The following SLC12A3 variants were observed in gnomAD, a reference collection of about 807,000 sequenced individuals.
SLC12A3 encodes the protein Na-Cl cotransporter.
SLC12A3 carries 104 observed loss-of-function variants against 121.0 expected under a neutral mutation model. The observed-to-expected ratio is 0.86, with a 90% CI of 0.73 to 1.01. SLC12A3 has a LOEUF of 1.01. Among genes scored for constraint, SLC12A3 ranks in the 50% least tolerant of loss-of-function variants. The pLI is 0.00. For synonymous variants in SLC12A3, 536 were observed against 533.4 expected (o/e 1.00, Z -0.07); for missense variants, 1,328 against 1,356.3 (o/e 0.98, Z 0.33).
At chr16:56,891,283 G>A (rs553690689) in intron 19 of SLC12A3, among the ~76,000 whole-genome samples, 31 of 147,768 alleles carry the variant, frequency 2.1e-4, no homozygotes, top group African/African-American at 7.5e-4. Flanking sequence ...GAGATGGGAG[G>A]ATCGCTTGAG....
chr16:56,885,664 A>G (rs2055301335), intron 15 of SLC12A3, among the ~76,000 whole-genome samples: 2 of 152,258 alleles, frequency 1.3e-5, no homozygotes, highest in East Asian at 1.9e-4. Context: ...GCCGGAGCCA[A>G]TGGTGACGAA....
At chr16:56,904,049 A>G (rs2055573884) in intron 24 of SLC12A3, among the ~76,000 whole-genome samples, 2 of 152,246 alleles carry the variant, frequency 1.3e-5, no homozygotes, top group Admixed American at 6.5e-5. Flanking sequence ...GGTGAAGGTC[A>G]GGGAGACAAC....
chr16:56,904,539 G>T (rs1301510785), intron 25 of SLC12A3, 77 bp downstream of exon 25: 4 of 1,401,626 alleles, frequency 2.9e-6, no homozygotes, highest in Non-Finnish European at 4.0e-6. Flanking sequence ...GGCTCAGCAG[G>T]GGCACCACGG....
chr16:56,867,159 C>T lies in SLC12A3; in HGVS notation c.372C>T (p.Thr124=), dbSNP rs2144682435. ...TDGLVEGEAG[T]SSEKNPEEPV... ...GGCTGGTGGAGGGCGAGGCAGGCAC[C>T]AGCAGCGAGAAGAACCCCGAGGAGC... Residue 124 remains threonine (T), a synonymous_variant, in exon 2 of 26, where the codon ACC becomes ACT. Coordinates refer to ENST00000563236, the MANE Select transcript of SLC12A3 (RefSeq NM_001126108.2). 6.2e-7 allele frequency: 1 copy of T among 1,614,020 alleles called. No individual in the cohort carries two copies. The highest frequency in any genetic ancestry group is 8.5e-7 in the Non-Finnish European group (1 of 1,179,994).
intron 8 of SLC12A3, among the ~76,000 whole-genome samples, chr16:56,873,010 AATGGCTAG>A (rs2055119308): frequency 6.6e-6 from 1 of 151,874 alleles, no homozygotes; most frequent in Non-Finnish European, 1.5e-5. Flanking sequence ...GACACCACAG[AATGGCTAG>A]GTTCCTCCCT....
chr16:56,867,766 A>ACGGC (rs1964394693), intron 2 of SLC12A3, among the ~76,000 whole-genome samples: 1 of 152,220 alleles, frequency 6.6e-6, no homozygotes, highest in African/African-American at 2.4e-5. Flanking sequence ...AGAGCCGGGA[A>ACGGC]CGGCCCTGCA....
At chr16:56,873,547 C>A (rs370001447) in intron 8 of SLC12A3, among the ~76,000 whole-genome samples, 2 of 147,498 alleles carry the variant, frequency 1.4e-5, no homozygotes, top group Admixed American at 6.8e-5. Context: ...CCACCGCACC[C>A]GGTTAATATT....
Position 56,904,379 on chromosome 16 carries a change from G to A in SLC12A3, c.2857-16G>A, listed in dbSNP as rs1348563654. The stretch of plus-strand genomic sequence containing the variant: ...CGATGATATGGGAAGTGACCACTCG[G>A]CTTTCTCCCGCCCAGTCCCTTCGGC... On this transcript the variant is annotated splice_polypyrimidine_tract_variant and intron_variant, in intron 24 of 25. Coordinates refer to ENST00000563236, the MANE Select transcript of SLC12A3 (RefSeq NM_001126108.2). 5 of 1,613,366 alleles carry A rather than the reference G, an allele frequency of 3.1e-6. No homozygotes were observed. Among genetic ancestry groups the A allele is most frequent in the Middle Eastern group, 1.6e-4 (1 of 6,084 alleles).
intron 25 of SLC12A3, among the ~76,000 whole-genome samples, chr16:56,910,691 C>G (rs1374343260): frequency 1.3e-5 from 2 of 152,188 alleles, no homozygotes; most frequent in African/African-American, 2.4e-5. Context: ...GATGAGGAAG[C>G]AGCTTCAGAG....
chr16:56,894,798 A>C (rs1282999919), intron 22 of SLC12A3, among the ~76,000 whole-genome samples, 156 bp downstream of exon 22: 1 of 152,128 alleles, frequency 6.6e-6, no homozygotes, highest in African/African-American at 2.4e-5. Context: ...AGGCCATGGC[A>C]GTGGGCAGGA....
At chr16:56,905,111 G>A (rs868600969) in intron 25 of SLC12A3, among the ~76,000 whole-genome samples, 2 of 152,050 alleles carry the variant, frequency 1.3e-5, no homozygotes, top group South Asian at 2.1e-4. Context: ...AGGCTGAGGC[G>A]GGCAGATCAC....
chr16:56,867,922 C>A lies in SLC12A3; in HGVS notation c.430-375C>A, dbSNP rs528896826. Among the ~76,000 whole-genome samples, 6 of 152,340 alleles carry A rather than the reference C, an allele frequency of 3.9e-5. No homozygotes were observed. In the East Asian group the frequency reaches 1.2e-3, roughly 29 times the overall value. Reference sequence around the variant, plus strand: ...TGCTCTTACATGGGGCGCTGGCTCACCTGGCATTTGCTGAGCTCCCTGTAA... The same window carrying A: ...TGCTCTTACATGGGGCGCTGGCTCAACTGGCATTTGCTGAGCTCCCTGTAA... On this transcript the variant is annotated intron_variant, in intron 2 of 25. Transcript: ENST00000563236.
In SLC12A3 at chr16:56,870,646, G is replaced by C; in HGVS notation, c.762G>C (p.Val254=). The change falls in exon 6 of 26, where the codon GTG becomes GTC. Residue 254 remains valine, a synonymous_variant. Transcript: ENST00000563236. ...CCCAGGAGTATGGGGCACCCATCGT[G>C]GACCCCATTAACGACATCCGCATCA... ...DLLQEYGAPI[V]DPINDIRIIA... The C allele has an allele frequency of 1.9e-6, 3 of 1,612,364 alleles. No homozygotes were observed. Among genetic ancestry groups the C allele is most frequent in the Non-Finnish European group, 2.5e-6 (3 of 1,178,400 alleles).
intron 23 of SLC12A3, among the ~76,000 whole-genome samples, chr16:56,900,186 G>A (rs538786834): frequency 3.3e-5 from 5 of 152,062 alleles, no homozygotes; most frequent in Non-Finnish European, 7.4e-5. Context: ...ATCTGGACAG[G>A]GAAGGAAATC....
At chr16:56,902,531 G>GGGCCGCC in intron 24 of SLC12A3, 23 bp downstream of exon 24, 1 of 714,570 alleles carries the variant, frequency 1.4e-6, no homozygotes, top group Non-Finnish European at 2.4e-6. Context: ...GTGGGGGTGG[G>GGGCCGCC]AAACGCGACA....
Position 56,879,585 on chromosome 16 carries a change from G to GCATCTT in SLC12A3, c.1381_1386dup (p.Ile461_Phe462dup). On this transcript the variant is annotated inframe_insertion, in exon 11 of 26. Coordinates refer to ENST00000563236, the MANE Select transcript of SLC12A3 (RefSeq NM_001126108.2). ...GGCTTCGCGCCCCTGATCACGGCTGGCATCTTCGGGGCCACCCTCTCCTCT... is the reference window on the plus strand; with the variant it reads ...GGCTTCGCGCCCCTGATCACGGCTGGCATCTTCATCTTCGGGGCCACCCTCTCCTCT... 6.2e-7 allele frequency: 1 copy of GCATCTT among 1,613,758 alleles called. No individual in the cohort carries two copies. Among genetic ancestry groups the GCATCTT allele is most frequent in the East Asian group, 2.2e-5 (1 of 44,870 alleles).
At chr16:56,894,802 GGCAGGA>G in intron 22 of SLC12A3, among the ~76,000 whole-genome samples, 160 bp downstream of exon 22, 1 of 152,178 alleles carries the variant, frequency 6.6e-6, no homozygotes, top group African/African-American at 2.4e-5. Context: ...CATGGCAGTG[GGCAGGA>G]GCAGGAGCAG....
At chr16:56,888,163 C>G in intron 18 of SLC12A3, 132 bp downstream of exon 18, 1 of 653,626 alleles carries the variant, frequency 1.5e-6, no homozygotes, top group South Asian at 1.7e-5. Context: ...TCTGTAGTCC[C>G]AGCTACTTGG....
chr16:56,892,392 C>A (rs545139966), intron 20 of SLC12A3, among the ~76,000 whole-genome samples: 8 of 152,150 alleles, frequency 5.3e-5, no homozygotes, highest in African/African-American at 1.9e-4. Flanking sequence ...GAGTTCCAGG[C>A]TGCAGTGAGC....
Sources: allele counts gnomAD v4.1 joint callset (sites outside exome capture counted in the v4.1 genomes callset), GRCh38; gene constraint gnomAD v4.1.1; transcripts MANE v1.5; gene names NCBI Gene and HGNC (gene_info 2026-07-23, HGNC 2026-07-21).